NFAT5: variants seen among roughly 807,000 people sequenced by gnomAD.
NFAT5 encodes the protein nuclear factor of activated T-cells 5.
NFAT5 carries 31 observed loss-of-function variants against 166.5 expected under a neutral mutation model. The ratio of observed to expected loss-of-function variants is 0.19; its 90% CI spans 0.14 to 0.25. NFAT5 has a LOEUF of 0.25. Ranked by LOEUF, NFAT5 falls within the 10% of genes least tolerant of loss-of-function variation. NFAT5 has a pLI of 1.00. For synonymous variants in NFAT5, 612 were observed against 639.7 expected (o/e 0.96, Z 0.65); for missense variants, 1,449 against 1,821.8 (o/e 0.80, Z 3.72).
intron 7 of NFAT5, among the ~76,000 whole-genome samples, chr16:69,661,686 T>G (rs16959025): frequency 0.16 from 23,843 of 151,972 alleles, 2,208 homozygotes; most frequent in South Asian, 0.31. Flanking sequence ...GCAGTTGTTC[T>G]CAATCCTGGG....
intron 4 of NFAT5, among the ~76,000 whole-genome samples, chr16:69,652,915 T>C (rs1291046022): frequency 1.3e-5 from 2 of 152,216 alleles, no homozygotes; most frequent in Non-Finnish European, 2.9e-5. Flanking sequence ...ATAGTGACAT[T>C]AGCTATTCTT....
intron 9 of NFAT5, among the ~76,000 whole-genome samples, chr16:69,674,795 C>T (rs9921045): frequency 0.24 from 36,358 of 152,058 alleles, 4,698 homozygotes; most frequent in East Asian, 0.45. Context: ...AGATATCTAG[C>T]ACCATTGCTG....
chr16:69,623,258 A>G (rs1597418498), intron 2 of NFAT5, among the ~76,000 whole-genome samples: 1 of 151,784 alleles, frequency 6.6e-6, no homozygotes, highest in East Asian at 1.9e-4. Context: ...TGATAATGGC[A>G]TTTCTGTTTT....
chr16:69,594,760 A>T (rs1420657679), intron 2 of NFAT5, among the ~76,000 whole-genome samples: 1 of 152,216 alleles, frequency 6.6e-6, no homozygotes, highest in Non-Finnish European at 1.5e-5. Context: ...GGACAGAACT[A>T]ATAGGATAGA....
rs547591293 is a variant in NFAT5 at position 69,623,923 on chromosome 16, A to C, written c.128-2480A>C. ...ATCTACCGAAATGCATTTATGATTTATGTGATGGAAAAAAACAGGGTCTCA... is the reference window on the plus strand; with the variant it reads ...ATCTACCGAAATGCATTTATGATTTCTGTGATGGAAAAAAACAGGGTCTCA... On this transcript the variant is annotated intron_variant, in intron 2 of 14. Transcript: ENST00000349945. 9.9e-4 allele frequency among the ~76,000 whole-genome samples: 147 copies of C among 148,086 alleles called. 2 individuals are homozygous for C. Among genetic ancestry groups the C allele is most frequent in the African/African-American group, 3.5e-3 (142 of 40,130 alleles).
intron 4 of NFAT5, chr16:69,648,884 C>T (rs1488789484): frequency 1.1e-6 from 1 of 931,336 alleles, no homozygotes; most frequent in Non-Finnish European, 1.3e-6. Context: ...ATTTAACTTG[C>T]CCTTAAGCAC....
At chr16:69,623,334 C>CTT (rs369209793) in intron 2 of NFAT5, among the ~76,000 whole-genome samples, 2,298 of 139,638 alleles carry the variant, frequency 0.016, 27 homozygotes, top group South Asian at 0.053. Flanking sequence ...TTGCTAAAGG[C>CTT]TTTTTTTTTT....
Position 69,625,532 on chromosome 16 carries a change from C to CT in NFAT5, c.128-859dup, listed in dbSNP as rs138982383. ...AGTATTTGCTTGAGCCATAACATTC[C>CT]TTTTTTTTTTTTAAGCTTCAATCCA... On this transcript the variant is annotated intron_variant, in intron 2 of 14. Transcript: ENST00000349945. Among the ~76,000 whole-genome samples, 751 of 141,218 alleles carry CT rather than the reference C, an allele frequency of 5.3e-3. 6 individuals carry two copies. The highest frequency in any genetic ancestry group is 0.017 in the African/African-American group (661 of 39,048). The allele number at this position is 141,218 out of a possible 152,430, so 92.6% of individuals were successfully genotyped here.
intron 3 of NFAT5, among the ~76,000 whole-genome samples, chr16:69,636,237 C>G (rs898191897): frequency 6.6e-6 from 1 of 152,194 alleles, no homozygotes; most frequent in Non-Finnish European, 1.5e-5. Flanking sequence ...TTCCCATGGT[C>G]TTGGGCAGCT....
chr16:69,657,164 T>C (rs938084632), intron 6 of NFAT5, among the ~76,000 whole-genome samples: 2 of 152,020 alleles, frequency 1.3e-5, no homozygotes, highest in African/African-American at 2.4e-5. Context: ...GGAGTCTTGC[T>C]TTGTTGCCCA....
rs1011400972 is a variant in NFAT5 at position 69,648,278 on chromosome 16, A to G, written c.812+692A>G. 34 of 984,802 alleles carry G rather than the reference A, an allele frequency of 3.5e-5. No homozygotes were observed. The East Asian group carries it at 1.8e-3, about 53-fold the overall frequency. The allele number at this position is 984,802 out of a possible 1,614,324, so 61.0% of individuals were successfully genotyped here. A position where few individuals can be genotyped will look rare whatever the true frequency, so the allele number is the denominator to read the frequency against. On this transcript the variant is annotated intron_variant, in intron 4 of 14. Transcript: ENST00000349945. The stretch of plus-strand genomic sequence containing the variant: ...CACTAAGAGCTATGTTCTCTTTCCA[A>G]TTGTGTCCTCATATGGTTTACATTT...
intron 4 of NFAT5, chr16:69,648,383 T>C: frequency 1.0e-6 from 1 of 980,574 alleles, no homozygotes. Flanking sequence ...TTGATTCTCA[T>C]CATTTAGATT....
chr16:69,622,739 A>AT (rs1397003828), intron 2 of NFAT5, among the ~76,000 whole-genome samples: 1 of 151,678 alleles, frequency 6.6e-6, no homozygotes, highest in Non-Finnish European at 1.5e-5. Flanking sequence ...ACTAGGATAA[A>AT]TTTTTTTCCA....
At chr16:69,596,913 C>G (rs534509436) in intron 2 of NFAT5, among the ~76,000 whole-genome samples, 76 of 151,928 alleles carry the variant, frequency 5.0e-4, no homozygotes, top group Non-Finnish European at 9.0e-4. Context: ...ATGTTAGGTG[C>G]TCTGAAAGGG....
At chr16:69,580,398 G>T (rs1384919798) in intron 2 of NFAT5, among the ~76,000 whole-genome samples, 4 of 151,850 alleles carry the variant, frequency 2.6e-5, no homozygotes, top group Non-Finnish European at 5.9e-5. Context: ...AGGCTTGGTG[G>T]CGTGTGCCTG....
chr16:69,678,066 G>C (rs1287101707), intron 10 of NFAT5, among the ~76,000 whole-genome samples: 2 of 151,852 alleles, frequency 1.3e-5, no homozygotes, highest in Non-Finnish European at 2.9e-5. Flanking sequence ...GCTGAGGAAG[G>C]AGAATTGCCT....
intron 13 of NFAT5, among the ~76,000 whole-genome samples, chr16:69,694,483 G>T (rs902154430): frequency 6.6e-6 from 1 of 152,090 alleles, no homozygotes. Context: ...TTGAATTTTT[G>T]ACCTCAAGTG....
intron 3 of NFAT5, among the ~76,000 whole-genome samples, chr16:69,626,888 G>T (rs1394117108): frequency 1.3e-5 from 2 of 152,006 alleles, no homozygotes; most frequent in African/African-American, 4.8e-5. Flanking sequence ...TTAAAGACTT[G>T]CACCAAGGGA....
At chr16:69,644,086 G>A (rs1034045266) in intron 3 of NFAT5, among the ~76,000 whole-genome samples, 1 of 152,090 alleles carries the variant, frequency 6.6e-6, no homozygotes, top group African/African-American at 2.4e-5. Flanking sequence ...AAGAATTTGA[G>A]ACCACCTGGG....
Sources: gnomAD v4.1 joint callset for allele counts (sites outside exome capture counted in the v4.1 genomes callset) on GRCh38, gnomAD v4.1.1 for gene constraint, MANE v1.5 for transcripts, NCBI Gene and HGNC (gene_info 2026-07-23, HGNC 2026-07-21) for gene names.